Variants in TPRG1 observed in about 807,000 individuals in gnomAD.
TPRG1 encodes the protein tumor protein p63 regulated 1.
In TPRG1, 29 loss-of-function variants were observed where a neutral mutation model predicts 29.3. The observed-to-expected ratio is 0.99, with a 90% CI of 0.74 to 1.35. The LOEUF (loss-of-function observed/expected upper bound fraction) is 1.35, where lower values mean the gene tolerates loss of function less well. TPRG1 is among the 40% of genes most tolerant of loss of function. TPRG1 has a pLI of 0.00. For missense variants in TPRG1, 327 were observed against 335.0 expected (o/e 0.98, Z 0.19); for synonymous variants, 130 against 116.8 (o/e 1.11, Z -0.73).
At chr3:189,214,325 G>A (rs1271602265) in intron 2 of TPRG1, among the ~76,000 whole-genome samples, 1 of 152,152 alleles carries the variant, frequency 6.6e-6, no homozygotes, top group Non-Finnish European at 1.5e-5. Context: ...AATACAGGAA[G>A]AGAGACCCAA....
Position 189,323,947 on chromosome 3 carries a change from C to T in TPRG1, c.*3127C>T, listed in dbSNP as rs978392014. 2.0e-5 allele frequency: 3 copies of T among 152,042 alleles called. No homozygotes were observed. The highest frequency in any genetic ancestry group is 4.8e-5 in the African/African-American group (2 of 41,370). The allele number at this position is 152,042 out of a possible 1,614,324, so 9.4% of individuals were successfully genotyped here. The stretch of plus-strand genomic sequence containing the variant: ...AATGCCTCACTATCTTCTGATACAT[C>T]GTAGGCAGTTCTGAGGGTGAGAAAG... On this transcript the variant is annotated 3_prime_UTR_variant, in exon 6 of 6. Transcript: ENST00000345063.
intron 3 of TPRG1, among the ~76,000 whole-genome samples, chr3:189,229,867 T>C (rs1738356073): frequency 6.6e-6 from 1 of 152,222 alleles, no homozygotes. Flanking sequence ...CCATACAAGC[T>C]GTAACGAACA....
chr3:189,091,144 G>A (rs989993995), intron 4 of TPRG1, among the ~76,000 whole-genome samples: 3 of 152,114 alleles, frequency 2.0e-5, no homozygotes, highest in Non-Finnish European at 4.4e-5. Context: ...GAGAAAGAGT[G>A]TGTATGAAAT....
intron 4 of TPRG1, among the ~76,000 whole-genome samples, chr3:189,052,683 A>G (rs188685944): frequency 6.6e-6 from 1 of 152,308 alleles, no homozygotes; most frequent in East Asian, 1.9e-4. Flanking sequence ...AAATTGTGGA[A>G]CCAACCCAAA....
chr3:189,084,677 T>C (rs1157781955), intron 4 of TPRG1, among the ~76,000 whole-genome samples: 1 of 152,222 alleles, frequency 6.6e-6, no homozygotes, highest in Non-Finnish European at 1.5e-5. Context: ...AGAACTGCCA[T>C]CTCTCCTCCA....
chr3:189,098,858 T>C (rs1293176246), upstream of TPRG1, among the ~76,000 whole-genome samples: 1 of 152,166 alleles, frequency 6.6e-6, no homozygotes, highest in Non-Finnish European at 1.5e-5. Context: ...AGAAAAAAAT[T>C]AATGAAACAA....
At chr3:189,117,918 T>C (rs1012786403) in intron 1 of TPRG1, among the ~76,000 whole-genome samples, 8 of 152,256 alleles carry the variant, frequency 5.3e-5, no homozygotes, top group Admixed American at 6.5e-5. Flanking sequence ...TGGTACTGGC[T>C]AGTGGGGTGC....
chr3:189,167,122 A>T (rs775875146), upstream of TPRG1, among the ~76,000 whole-genome samples: 1 of 152,112 alleles, frequency 6.6e-6, no homozygotes, highest in African/African-American at 2.4e-5. Context: ...GTGAGATTCC[A>T]TCTAGCTCTT....
intron 1 of TPRG1, among the ~76,000 whole-genome samples, chr3:189,199,371 A>T (rs1230844522): frequency 6.6e-6 from 1 of 152,150 alleles, no homozygotes; most frequent in East Asian, 1.9e-4. Flanking sequence ...AATCTTGTAG[A>T]CTCGTTGAGC....
At chr3:189,158,525 C>G (rs1727002032) in intron 5 of TPRG1, among the ~76,000 whole-genome samples, 1 of 152,116 alleles carries the variant, frequency 6.6e-6, no homozygotes, top group Non-Finnish European at 1.5e-5. Flanking sequence ...AGGAGAATTG[C>G]TGGAACCCGG....
At chr3:189,000,740 T>C (rs547685566) in intron 1 of TPRG1, 8 of 152,022 alleles carry the variant, frequency 5.3e-5, no homozygotes, top group African/African-American at 1.9e-4. Flanking sequence ...TATTTATATA[T>C]ATTATACATA....
intron 4 of TPRG1, among the ~76,000 whole-genome samples, chr3:189,030,245 T>C (rs1401772058): frequency 1.3e-5 from 2 of 152,088 alleles, no homozygotes; most frequent in African/African-American, 4.8e-5. Flanking sequence ...AATAAGGAAA[T>C]TGTGTGAGAT....
chr3:189,102,682 C>A (rs564344570), intron 1 of TPRG1, among the ~76,000 whole-genome samples: 3 of 152,136 alleles, frequency 2.0e-5, no homozygotes, highest in African/African-American at 7.2e-5. Flanking sequence ...AGGAATCAGA[C>A]GATGTTCATT....
intron 1 of TPRG1, among the ~76,000 whole-genome samples, chr3:189,175,410 G>A (rs1443187496): frequency 6.6e-6 from 1 of 152,226 alleles, no homozygotes; most frequent in African/African-American, 2.4e-5. Context: ...GAACTGAAGT[G>A]GAATGAGGCC....
At chr3:189,120,808 A>G (rs573675671) in intron 1 of TPRG1, among the ~76,000 whole-genome samples, 11 of 152,366 alleles carry the variant, frequency 7.2e-5, no homozygotes, top group African/African-American at 2.6e-4. Flanking sequence ...ATATAGGTCA[A>G]TAAATTTTGG....
chr3:189,145,359 T>TAAAAAAAAAAAA lies in TPRG1; in HGVS notation c.-290-2222_-290-2211dup, dbSNP rs58210295. 9.2e-4 allele frequency among the ~76,000 whole-genome samples: 99 copies of TAAAAAAAAAAAA among 107,344 alleles called. 1 individual carries two copies. The highest frequency in any genetic ancestry group is 2.6e-3 in the African/African-American group (76 of 29,456). 70.4% of individuals were successfully genotyped at this position (107,344 alleles called of 152,430 possible). Reference sequence around the variant, plus strand: ...CCTGGCAACAGAGGGAGACTCCATCTAAAAAAAAAAAAAACATGCCAAACT... The same window carrying TAAAAAAAAAAAA: ...CCTGGCAACAGAGGGAGACTCCATCTAAAAAAAAAAAAAAAAAAAAAAAAAACATGCCAAACT... On this transcript the variant is annotated intron_variant, in intron 3 of 6. Transcript: ENST00000412373.
At chr3:189,070,163 C>CAAGTTACAT (rs1716722772) in intron 4 of TPRG1, among the ~76,000 whole-genome samples, 1 of 152,158 alleles carries the variant, frequency 6.6e-6, no homozygotes, top group South Asian at 2.1e-4. Context: ...GAAATAATTT[C>CAAGTTACAT]AAGTTACATA....
At chr3:189,170,198 G>A (rs1379863016), upstream of TPRG1, among the ~76,000 whole-genome samples, 6 of 152,210 alleles carry the variant, frequency 3.9e-5, no homozygotes, top group Non-Finnish European at 7.3e-5. Context: ...TTGGAGCTGA[G>A]TGGGAACGGT....
chr3:189,190,172 A>G (rs1731488994), intron 1 of TPRG1, among the ~76,000 whole-genome samples: 1 of 152,198 alleles, frequency 6.6e-6, no homozygotes, highest in Non-Finnish European at 1.5e-5. Flanking sequence ...AGAAAACTCT[A>G]AGGAATAGTC....
Sources: gnomAD v4.1 joint callset for allele counts (sites outside exome capture counted in the v4.1 genomes callset) on GRCh38, gnomAD v4.1.1 for gene constraint, MANE v1.5 for transcripts, NCBI Gene and HGNC (gene_info 2026-07-23, HGNC 2026-07-21) for gene names.